The following PC variants were observed in gnomAD, a reference collection of about 807,000 sequenced individuals.
PC encodes pyruvate carboxylase.
PC carries 46 observed loss-of-function variants against 107.8 expected under a neutral mutation model. The observed-to-expected ratio is 0.43, with a 90% CI of 0.34 to 0.55. The LOEUF is 0.55. Ranked by LOEUF, PC falls within the 20% of genes least tolerant of loss-of-function variation. The probability of loss-of-function intolerance (pLI) is 0.04; values close to 1 mark genes in which losing one functional copy is unlikely to be tolerated. For missense variants in PC, 1,241 were observed against 1,643.1 expected, an observed-to-expected ratio of 0.76 and a Z score of 4.23; for synonymous variants, 662 against 684.7, an observed-to-expected ratio of 0.97 and a Z score of 0.52.
chr11:66,872,117 C>T lies in PC; in HGVS notation c.43G>A (p.Gly15Arg). Residue 15 changes from glycine (G) to arginine (R), a missense_variant, in exon 4 of 23, where the codon GGA (glycine) becomes AGA (arginine). By Grantham distance (125) the Gly-to-Arg change is moderately radical. Coordinates refer to ENST00000393960, the MANE Select transcript of PC (RefSeq NM_001040716.2). Reference sequence around the variant, plus strand: ...GGGGCGGTGGAGGTTCGGCGGATTCCCAGGAGCCTCAGGCCCCCATGGACT... The same window carrying T: ...GGGGCGGTGGAGGTTCGGCGGATTCTCAGGAGCCTCAGGCCCCCATGGACT... ...RTVHGGLRLL[G>R]IRRTSTAPAA... 2 of 1,578,218 alleles carry T rather than the reference C, an allele frequency of 1.3e-6. No individual in the cohort carries two copies. Among genetic ancestry groups the T allele is most frequent in the Non-Finnish European group, 1.7e-6 (2 of 1,162,864 alleles).
At chr11:66,867,257 G>C (rs1333687234) in intron 10 of PC, among the ~76,000 whole-genome samples, 2 of 152,158 alleles carry the variant, frequency 1.3e-5, no homozygotes, top group Non-Finnish European at 2.9e-5. Context: ...CTGGTAGTGT[G>C]TGCCTGTAAT....
At chr11:66,867,103 A>G (rs1591179284) in intron 10 of PC, among the ~76,000 whole-genome samples, 2 of 152,334 alleles carry the variant, frequency 1.3e-5, no homozygotes, top group Non-Finnish European at 2.9e-5. Flanking sequence ...CAAAAAAACC[A>G]GGCTGGGCAC....
chr11:66,852,118 C>CT lies in PC; in HGVS notation c.1826-173dup, dbSNP rs1272347757. Among the ~76,000 whole-genome samples, 2 of 152,336 alleles carry CT rather than the reference C, an allele frequency of 1.3e-5. No individual in the cohort carries two copies. Among genetic ancestry groups the CT allele is most frequent in the East Asian group, 3.9e-4 (2 of 5,192 alleles). The stretch of plus-strand genomic sequence containing the variant: ...CACAGATTTTTCCCTTGTCTGATCT[C>CT]TAAGGGGGAGACCAGGCTCATTTGT... On this transcript the variant is annotated intron_variant, in intron 15 of 22. Transcript: ENST00000393960. The surrounding 1 kb of genome is among the most constrained non-coding windows in gnomAD (Gnocchi z 4.7).
At chr11:66,912,049 A>AAAAGC (rs1565282158) in intron 3 of PC, among the ~76,000 whole-genome samples, 1 of 152,052 alleles carries the variant, frequency 6.6e-6, no homozygotes, top group Non-Finnish European at 1.5e-5. Flanking sequence ...AAAAGAAAAG[A>AAAAGC]AAAGCAAACC....
chr11:66,953,943 T>A (rs1426184750), intron 2 of PC, among the ~76,000 whole-genome samples: 1 of 152,160 alleles, frequency 6.6e-6, no homozygotes, highest in East Asian at 1.9e-4. Context: ...TCACATTATG[T>A]GTATGTAAGG....
intron 3 of PC, among the ~76,000 whole-genome samples, chr11:66,903,148 C>A (rs185215407): frequency 1.3e-5 from 2 of 152,302 alleles, no homozygotes; most frequent in Admixed American, 1.3e-4. Context: ...GAGTCGGGGA[C>A]CTGCGGTGGT....
At chr11:66,868,773 G>A (rs1790802829) in intron 10 of PC, 73 bp downstream of exon 10, 2 of 1,194,222 alleles carry the variant, frequency 1.7e-6, no homozygotes, top group East Asian at 2.3e-5. Context: ...CTGGCCCCAG[G>A]AGCCACTTCG....
chr11:66,850,900 G>A lies in PC; in HGVS notation c.2247C>T (p.Pro749=), dbSNP rs776576677. 36 of 1,609,984 alleles carry A rather than the reference G, an allele frequency of 2.2e-5. No homozygotes were observed. In the South Asian group the frequency reaches 4.0e-4, roughly 18 times the overall value. ...CIKDMAGLLK[P]TACTMLVSSL... is the part of the protein sequence containing the mutation. ...AGCTGACCAGCATGGTGCAGGCCGTGGGCTTCAGCAGCCCGGCCATGTCCT... is the reference window on the plus strand; with the variant it reads ...AGCTGACCAGCATGGTGCAGGCCGTAGGCTTCAGCAGCCCGGCCATGTCCT... Residue 749 remains proline, a synonymous_variant, in exon 18 of 23, where the codon CCC becomes CCT. Transcript: ENST00000393960.
chr11:66,921,293 G>C, intron 3 of PC, among the ~76,000 whole-genome samples: 1 of 152,228 alleles, frequency 6.6e-6, no homozygotes, highest in South Asian at 2.1e-4. Flanking sequence ...TTCTTTTCCC[G>C]ATAGCCTTAA....
chr11:66,862,813 C>T (rs1380791840), intron 12 of PC, among the ~76,000 whole-genome samples: 2 of 152,240 alleles, frequency 1.3e-5, no homozygotes, highest in Admixed American at 6.5e-5. Flanking sequence ...CAAGGCCACC[C>T]AAAGACAAGC....
chr11:66,929,210 G>A (rs922909351), intron 3 of PC, among the ~76,000 whole-genome samples: 2 of 152,104 alleles, frequency 1.3e-5, no homozygotes, highest in Non-Finnish European at 2.9e-5. Flanking sequence ...CCAGGCCCAG[G>A]CATAGTACTA....
chr11:66,860,172 C>T lies in PC; in HGVS notation c.1368+3602G>A, dbSNP rs749816968. 1.7e-5 allele frequency: 26 copies of T among 1,546,350 alleles called. No individual in the cohort carries two copies. The highest frequency in any genetic ancestry group is 5.5e-5 in the African/African-American group (4 of 73,138). ...CCGGGGGGTAGGAGGCAGCGCCGAG[C>T]GGCTGGAAGAGAGTGTGGTGTGATG... On this transcript the variant is annotated intron_variant, in intron 12 of 22. Transcript: ENST00000393960.
chr11:66,917,308 G>A (rs1363938184), intron 3 of PC, among the ~76,000 whole-genome samples: 1 of 152,096 alleles, frequency 6.6e-6, no homozygotes, highest in Non-Finnish European at 1.5e-5. Flanking sequence ...CTGGCCTCAA[G>A]TGATCCACCC....
intron 3 of PC, among the ~76,000 whole-genome samples, chr11:66,887,597 G>A (rs1345945358): frequency 1.3e-5 from 2 of 152,190 alleles, no homozygotes; most frequent in Non-Finnish European, 2.9e-5. Context: ...TAGGAGAAAA[G>A]ATAAGAAAAT....
intron 3 of PC, among the ~76,000 whole-genome samples, chr11:66,873,509 T>TA (rs1946853266): frequency 1.7e-3 from 2 of 1,204 alleles, no homozygotes; most frequent in Non-Finnish European, 0.04. Flanking sequence ...TATAATATTA[T>TA]ATATTATATT....
In PC at chr11:66,866,408, G is replaced by T; in HGVS notation, c.1023-59C>A. On this transcript the variant is annotated intron_variant, in intron 10 of 22. Transcript: ENST00000393960. This position sits in a 1 kb window ranked among gnomAD's most constrained non-coding sequence, Gnocchi z 5.4. ...GGAGAAAGGGGGAAACATGAGGCGG[G>T]GGATAGACGAGGGGCACCGCAGCCA... 7.7e-7 allele frequency: 1 copy of T among 1,300,126 alleles called. No homozygotes were observed. 80.5% of individuals were successfully genotyped at this position (1,300,126 alleles called of 1,614,324 possible).
intron 12 of PC, 67 bp from the exon 13 acceptor site, chr11:66,853,450 G>C (rs966502853): frequency 1.5e-5 from 24 of 1,589,356 alleles, no homozygotes; most frequent in Non-Finnish European, 2.0e-5. Flanking sequence ...GAGGAGAAAA[G>C]GCTGAAAGAG....
At chr11:66,939,575 C>T (rs573716019) in intron 3 of PC, among the ~76,000 whole-genome samples, 1 of 152,160 alleles carries the variant, frequency 6.6e-6, no homozygotes, top group African/African-American at 2.4e-5. Context: ...GAGGCCAAGG[C>T]GGGTGGATCA....
chr11:66,955,870 T>G (rs918273625), intron 1 of PC, among the ~76,000 whole-genome samples: 31 of 151,958 alleles, frequency 2.0e-4, no homozygotes, highest in Non-Finnish European at 4.1e-4. Flanking sequence ...ACTCCCAGGT[T>G]CAAGCAATTC....
Sources: allele counts gnomAD v4.1 joint callset (sites outside exome capture counted in the v4.1 genomes callset), GRCh38; gene constraint gnomAD v4.1.1; non-coding constraint Gnocchi (gnomAD v3.1); transcripts MANE v1.5; gene names NCBI Gene and HGNC (gene_info 2026-07-23, HGNC 2026-07-21).